COL9A2: variants seen among roughly 807,000 people sequenced by gnomAD.
COL9A2 encodes collagen alpha-2(IX) chain.
A neutral mutation model predicts 111.6 loss-of-function variants in COL9A2; 66 were observed. The observed-to-expected ratio is 0.59, with a 90% confidence interval of 0.48 to 0.73. The LOEUF (loss-of-function observed/expected upper bound fraction) is 0.73. COL9A2 is among the 30% of genes least tolerant of loss of function. The probability of loss-of-function intolerance (pLI) is 0.00; values close to 1 mark genes in which losing one functional copy is unlikely to be tolerated. For synonymous variants in COL9A2, 353 were observed against 364.1 expected (o/e 0.97, Z 0.35); for missense variants, 881 against 954.1 (o/e 0.92, Z 1.01).
In COL9A2 at chr1:40,302,482, C is replaced by A; in HGVS notation, c.1792+139G>T. ...CATCCGTTTGCTACTAGGAAAGAGC[C>A]CAGGAGTGTCTCCTGGACCATGTGG... is the stretch of plus-strand genomic sequence containing the variant. On this transcript the variant is annotated intron_variant, in intron 30 of 31. Coordinates refer to ENST00000372748, the MANE Select transcript of COL9A2 (RefSeq NM_001852.4). The surrounding 1 kb of genome is among the most constrained non-coding windows in gnomAD (Gnocchi z 4.5). The A allele has an allele frequency of 1.7e-5, 16 of 915,920 alleles. No individual in the cohort carries two copies. Among genetic ancestry groups the A allele is most frequent in the Non-Finnish European group, 2.7e-5 (16 of 593,308 alleles). The allele number at this position is 915,920 out of a possible 1,614,324, so 56.7% of individuals were successfully genotyped here.
intron 19 of COL9A2, among the ~76,000 whole-genome samples, chr1:40,306,997 G>T (rs1178309384): frequency 1.3e-5 from 2 of 151,930 alleles, no homozygotes; most frequent in Non-Finnish European, 2.9e-5. Flanking sequence ...GGCATGAGCC[G>T]CCACGCCCAG....
rs1202494153 is a variant in COL9A2, at chr1:40,317,143, C to A, written c.55G>T (p.Val19Leu). 1.9e-6 allele frequency: 3 copies of A among 1,585,356 alleles called. No individual in the cohort carries two copies. The East Asian group carries it at 7.0e-5, about 37-fold the overall frequency. ...CTTACAATCTGCGCCAGAGCGAGCA[C>A]TACCACCTGGAGGAGAACAAGGAGG... ...RSLLVLLQVV[V>L]LALAQIRGPP... Residue 19 changes from valine to leucine, a missense_variant, in exon 1 of 32, where the codon GTG becomes TTG. Val to Leu is a conservative substitution (Grantham distance 32, BLOSUM62 1). Coordinates refer to ENST00000372748, the MANE Select transcript of COL9A2 (RefSeq NM_001852.4). This position sits in a 1 kb window ranked among gnomAD's most constrained non-coding sequence, Gnocchi z 4.3.
chr1:40,301,917 T>C lies in COL9A2; in HGVS notation c.1793-28A>G, dbSNP rs776104044. The C allele has an allele frequency of 2.6e-5, 41 of 1,600,568 alleles. 2 individuals are homozygous for C. In the South Asian group the frequency reaches 3.9e-4, roughly 15 times the overall value. ...GTAGACAAAAAAGGAAATCTTCATT[T>C]TTCAGAATTGGAAAATGCTTTTCCT... On this transcript the variant is annotated intron_variant, in intron 30 of 31. Transcript: ENST00000372748.
intron 4 of COL9A2, among the ~76,000 whole-genome samples, chr1:40,313,175 T>C (rs1195814640): frequency 2.6e-5 from 4 of 152,000 alleles, no homozygotes; most frequent in Non-Finnish European, 5.9e-5. Flanking sequence ...TTCTTTCTTT[T>C]TTTTTTCAAT....
Position 40,307,444 on chromosome 1 carries a change from AC to A in COL9A2, c.1008+1del. ...GCCCCTGTGGCTCCACCTGACACTT[AC>A]CGCTAGGCCCTGGTGGCCTGGACTT... On this transcript the variant is annotated splice_donor_variant, in intron 19 of 31. Coordinates refer to ENST00000372748, the MANE Select transcript of COL9A2 (RefSeq NM_001852.4). LOFTEE classifies it high-confidence loss of function. The surrounding 1 kb of genome is among the most constrained non-coding windows in gnomAD (Gnocchi z 4.8). 1 of 1,613,828 alleles carries A rather than the reference AC, an allele frequency of 6.2e-7. No homozygotes were observed. Among genetic ancestry groups the A allele is most frequent in the Non-Finnish European group, 8.5e-7 (1 of 1,179,894 alleles).
Position 40,314,177 on chromosome 1 carries a change from C to T in COL9A2, c.249+28G>A. The T allele has an allele frequency of 6.2e-7, 1 of 1,613,630 alleles. No homozygotes were observed. Among genetic ancestry groups the T allele is most frequent in the East Asian group, 2.2e-5 (1 of 44,890 alleles). ...GGAGGTCAATTGGCAGAGCCCTACC[C>T]TGCCCCACCCGACACTCAGCTACTC... On this transcript the variant is annotated intron_variant, in intron 4 of 31. Coordinates refer to ENST00000372748, the MANE Select transcript of COL9A2 (RefSeq NM_001852.4). The surrounding 1 kb of genome is among the most constrained non-coding windows in gnomAD (Gnocchi z 4.1).
At chr1:40,313,128 T>C (rs1644158537) in intron 4 of COL9A2, among the ~76,000 whole-genome samples, 1 of 152,110 alleles carries the variant, frequency 6.6e-6, no homozygotes, top group Admixed American at 6.5e-5. Context: ...GACAACTTTT[T>C]CATTTTCTTT....
chr1:40,311,408 C>A lies in COL9A2; in HGVS notation c.519+92G>T, dbSNP rs1644123158. 6.3e-7 allele frequency: 1 copy of A among 1,581,850 alleles called. No individual in the cohort carries two copies. Among genetic ancestry groups the A allele is most frequent in the African/African-American group, 1.3e-5 (1 of 74,202 alleles). On this transcript the variant is annotated intron_variant, in intron 10 of 31. Transcript: ENST00000372748. The surrounding 1 kb of genome is among the most constrained non-coding windows in gnomAD (Gnocchi z 5.1). ...CCCCTGCACTGCAGCCCCTCCCCAT[C>A]TCTCCAGACACCCCCATCTCCGTGG...
chr1:40,308,283 T>C (rs1211508859), intron 16 of COL9A2, 38 bp from the exon 17 acceptor site: 5 of 1,601,216 alleles, frequency 3.1e-6, no homozygotes, highest in South Asian at 1.1e-5. Context: ...CCTCAGGATG[T>C]TGGGCCCCTG....
In COL9A2 at chr1:40,304,407, A is replaced by AC; in HGVS notation, c.1216-17dup. 1 of 1,609,740 alleles carries AC rather than the reference A, an allele frequency of 6.2e-7. No homozygotes were observed. Among genetic ancestry groups the AC allele is most frequent in the East Asian group, 2.2e-5 (1 of 44,796 alleles). ...CCTTAGGGCCCTGAGGAGAAAAGAAACCAAAGGAATAAATGGAATGAGGGG... is the reference window on the plus strand; with the variant it reads ...CCTTAGGGCCCTGAGGAGAAAAGAAACCCAAAGGAATAAATGGAATGAGGGG... On this transcript the variant is annotated splice_polypyrimidine_tract_variant and intron_variant, in intron 23 of 31. Transcript: ENST00000372748.
At position 40,312,828 on chromosome 1, in the gene COL9A2, T is replaced by TC. The variant is rs1233208791; in HGVS notation, c.250-45dup. 5.9e-6 allele frequency: 9 copies of TC among 1,526,720 alleles called. No individual in the cohort carries two copies. The highest frequency in any genetic ancestry group is 1.4e-5 in the African/African-American group (1 of 72,474). The allele number at this position is 1,526,720 out of a possible 1,614,324, so 94.6% of individuals were successfully genotyped here. On this transcript the variant is annotated intron_variant, in intron 4 of 31. Transcript: ENST00000372748. This position sits in a 1 kb window ranked among gnomAD's most constrained non-coding sequence, Gnocchi z 6.0. Reference sequence around the variant, plus strand: ...GTAGGATCAATGAGGGCCAACCTGCTCCCTGACCCACAGAGCAGGGCAGGT... The same window carrying TC: ...GTAGGATCAATGAGGGCCAACCTGCTCCCCTGACCCACAGAGCAGGGCAGGT...
In COL9A2 at chr1:40,301,348, C is replaced by T; in HGVS notation, c.1904G>A (p.Gly635Asp). ...TGGGGACCCTCGATCTCCATCCTTG[C>T]CGTTGATTGCCTGGCCAGGCCGGCC... ...LPGRPGQAIN[G>D]KDGDRGSPGA... Residue 635 changes from glycine to aspartate, a missense_variant, in exon 32 of 32, where the codon GGC (glycine) becomes GAC (aspartate). Physicochemically the swap from Gly to Asp is moderately conservative, Grantham distance 94. Coordinates refer to ENST00000372748, the MANE Select transcript of COL9A2 (RefSeq NM_001852.4). 6.2e-7 allele frequency: 1 copy of T among 1,609,040 alleles called. No individual in the cohort carries two copies. Among genetic ancestry groups the T allele is most frequent in the Admixed American group, 1.7e-5 (1 of 59,442 alleles).
At position 40,312,688 on chromosome 1, in the gene COL9A2, T is replaced by A; in HGVS notation, c.303+43A>T. ...CCTCTCTACAGCCACTCCCAAACGC[T>A]GGCCCTAGATTGCCCACGCTGAGGC... On this transcript the variant is annotated intron_variant, in intron 5 of 31. Coordinates refer to ENST00000372748, the MANE Select transcript of COL9A2 (RefSeq NM_001852.4). This position sits in a 1 kb window ranked among gnomAD's most constrained non-coding sequence, Gnocchi z 6.0. The A allele has an allele frequency of 6.3e-7, 1 of 1,581,814 alleles. No individual in the cohort carries two copies. Among genetic ancestry groups the A allele is most frequent in the East Asian group, 2.3e-5 (1 of 43,412 alleles).
In COL9A2 at chr1:40,307,451, G is replaced by C. The variant is rs2228567; in HGVS notation, c.1003C>G (p.Leu335Val). The C allele has an allele frequency of 0.12, 192,489 of 1,613,598 alleles. 12,060 individuals are homozygous for C. The highest frequency in any genetic ancestry group is 0.13 in the Non-Finnish European group (153,448 of 1,179,674). Reference sequence around the variant, plus strand: ...TGGCTCCACCTGACACTTACCGCTAGGCCCTGGTGGCCTGGACTTCCGGGC... The same window carrying C: ...TGGCTCCACCTGACACTTACCGCTACGCCCTGGTGGCCTGGACTTCCGGGC... ...GQPGSPGHQGLAGVPGQPGTK... is the reference protein window; with the variant it reads ...GQPGSPGHQGVAGVPGQPGTK... Residue 335 changes from leucine to valine, a missense_variant, in exon 19 of 32, where the codon CTA becomes GTA. By Grantham distance (32) the Leu-to-Val change is conservative. Coordinates refer to ENST00000372748, the MANE Select transcript of COL9A2 (RefSeq NM_001852.4). This position sits in a 1 kb window ranked among gnomAD's most constrained non-coding sequence, Gnocchi z 4.8.
chr1:40,304,330 T>C lies in COL9A2; in HGVS notation c.1277A>G (p.Lys426Arg). 3 of 1,563,410 alleles carry C rather than the reference T, an allele frequency of 1.9e-6. No homozygotes were observed. The highest frequency in any genetic ancestry group is 2.6e-6 in the Non-Finnish European group (3 of 1,153,166). ...IPGPQGLPGV[K>R]GDKGSPGKTG... ...AGCCCCATCTGGCACCTTGTCTCCT[T>C]TGACGCCTGGCAAGCCTTGGGGCCC... is the stretch of plus-strand genomic sequence containing the variant. Residue 426 changes from lysine to arginine, a missense_variant, in exon 24 of 32, where the codon AAA (lysine) becomes AGA (arginine). Coordinates refer to ENST00000372748, the MANE Select transcript of COL9A2 (RefSeq NM_001852.4).
rs553645941 is a variant in COL9A2, at chr1:40,311,535, T to A, written c.484A>T (p.Thr162Ser). ...GCACTGCCTTCCAGACCCTGGATGG[T>A]TCCCGGGCGACCCTGAGAGGAGACA... Reference protein sequence around the residue: ...GPPGKPGRPGTIQGLEGSADF... With the variant: ...GPPGKPGRPGSIQGLEGSADF... Residue 162 changes from threonine to serine, a missense_variant, in exon 10 of 32, where the codon ACC becomes TCC. Coordinates refer to ENST00000372748, the MANE Select transcript of COL9A2 (RefSeq NM_001852.4). The surrounding 1 kb of genome is among the most constrained non-coding windows in gnomAD (Gnocchi z 5.1). The A allele has an allele frequency of 2.5e-6, 4 of 1,607,688 alleles. No individual in the cohort carries two copies. The South Asian group carries it at 4.4e-5, about 18-fold the overall frequency.
At chr1:40,305,600 G>A in intron 21 of COL9A2, 115 bp downstream of exon 21, 1 of 975,332 alleles carries the variant, frequency 1.0e-6, no homozygotes, top group South Asian at 1.3e-5. Flanking sequence ...GAGCTTCCCT[G>A]AATCATTGGG....
intron 2 of COL9A2, among the ~76,000 whole-genome samples, chr1:40,315,017 T>C (rs1315401308): frequency 2.6e-5 from 4 of 151,998 alleles, no homozygotes; most frequent in Non-Finnish European, 5.9e-5. Flanking sequence ...GGGCCCAGCA[T>C]CCTGTGTTTG....
Position 40,310,910 on chromosome 1 carries a change from GA to G in COL9A2, c.631-144del, listed in dbSNP as rs1023175455. 1.1e-4 allele frequency: 119 copies of G among 1,071,796 alleles called. No homozygotes were observed. The African/African-American group carries it at 1.6e-3, about 15-fold the overall frequency. 66.4% of individuals were successfully genotyped at this position (1,071,796 alleles called of 1,614,324 possible). ...CCTACAGTCCTGTGTTACAGATAGA[GA>G]AAAGCCAAGCAAGGAGACATGACCA... On this transcript the variant is annotated intron_variant, in intron 12 of 31. Coordinates refer to ENST00000372748, the MANE Select transcript of COL9A2 (RefSeq NM_001852.4). This position sits in a 1 kb window ranked among gnomAD's most constrained non-coding sequence, Gnocchi z 4.9.
Sources: gnomAD v4.1 joint callset for allele counts (sites outside exome capture counted in the v4.1 genomes callset) on GRCh38, gnomAD v4.1.1 for gene constraint, Gnocchi (gnomAD v3.1) non-coding constraint, MANE v1.5 for transcripts, NCBI Gene and HGNC (gene_info 2026-07-23, HGNC 2026-07-21) for gene names.